The following DAB1 variants were observed in gnomAD, a reference collection of about 807,000 sequenced individuals.
DAB1 encodes the protein DAB adaptor protein 1.
Under a neutral mutation model 64.6 loss-of-function variants are expected in DAB1, and 15 were observed. The observed-to-expected ratio is 0.23, with a 90% CI of 0.16 to 0.36. The LOEUF (loss-of-function observed/expected upper bound fraction) is 0.36, where lower values mean the gene tolerates loss of function less well. Ranked by LOEUF, DAB1 falls within the 10% of genes least tolerant of loss-of-function variation. The pLI is 1.00. For missense variants in DAB1, 596 were observed against 706.7 expected (o/e 0.84, Z 1.78); for synonymous variants, 235 against 251.9 (o/e 0.93, Z 0.64).
At chr1:57,319,193 T>C (rs1488009814) in intron 1 of DAB1, among the ~76,000 whole-genome samples, 1 of 152,174 alleles carries the variant, frequency 6.6e-6, no homozygotes, top group Non-Finnish European at 1.5e-5. Flanking sequence ...GCTACTCCCC[T>C]TCTCTGGAAA....
chr1:57,779,046 G>A (rs1649947276), intron 6 of DAB1, among the ~76,000 whole-genome samples: 1 of 151,978 alleles, frequency 6.6e-6, no homozygotes, highest in South Asian at 2.1e-4. Flanking sequence ...CTACCTTCTA[G>A]TAAGTATAAA....
chr1:58,383,612 C>A (rs972058794), intron 3 of DAB1, among the ~76,000 whole-genome samples: 1 of 66,990 alleles, frequency 1.5e-5, no homozygotes, highest in Admixed American at 1.0e-4. Context: ...GTATCTGACA[C>A]ATGACACTCA....
intron 4 of DAB1, among the ~76,000 whole-genome samples, chr1:58,202,316 A>C (rs539526634): frequency 6.6e-6 from 1 of 152,348 alleles, no homozygotes; most frequent in East Asian, 1.9e-4. Context: ...TTGGTTTAAG[A>C]TAGTAATTGC....
At chr1:57,091,199 T>C (rs1435007157) in intron 4 of DAB1, among the ~76,000 whole-genome samples, 2 of 152,218 alleles carry the variant, frequency 1.3e-5, no homozygotes, top group East Asian at 1.9e-4. Context: ...TCCATGAAAC[T>C]GGTCTCCGGT....
intron 4 of DAB1, among the ~76,000 whole-genome samples, chr1:58,296,455 G>A (rs1280078790): frequency 6.6e-6 from 1 of 152,168 alleles, no homozygotes; most frequent in East Asian, 1.9e-4. Context: ...GGGTGGTTGG[G>A]GCAGGAGAGA....
chr1:58,060,907 G>A lies in DAB1; in HGVS notation n.387+89604C>T, dbSNP rs537381314. Among the ~76,000 whole-genome samples the A allele has an allele frequency of 2.6e-5, 4 of 152,318 alleles. No individual in the cohort carries two copies. The South Asian group carries it at 6.2e-4, about 24-fold the overall frequency. On this transcript the variant is annotated intron_variant and non_coding_transcript_variant, in intron 5 of 20. Coordinates refer to the DAB1 transcript ENST00000485760. ...CAGGGGAATGCCACATCTAACTGTG[G>A]GAGGACACTGTTTGGGGAAGCCAGC...
rs138140204 is a variant in DAB1, at chr1:57,034,062, C to T, written c.724-8019G>A. On this transcript the variant is annotated intron_variant, in intron 9 of 14. Coordinates refer to ENST00000371236, the MANE Select transcript of DAB1 (RefSeq NM_001365792.1). ...TTTGGGAGGCCGAGGAGGCGGATCA[C>T]GAGGTCAGGAGATCGAGACCAGCCT... 6.4e-3 allele frequency among the ~76,000 whole-genome samples: 971 copies of T among 152,106 alleles called. 6 individuals carry two copies. Among genetic ancestry groups the T allele is most frequent in the African/African-American group, 0.022 (922 of 41,490 alleles).
chr1:57,186,428 G>A (rs1230448453), intron 2 of DAB1, among the ~76,000 whole-genome samples: 1 of 152,168 alleles, frequency 6.6e-6, no homozygotes, highest in East Asian at 1.9e-4. Context: ...AAAAAGCAGA[G>A]TGTGCTATAA....
chr1:58,195,966 A>G (rs889663163), intron 4 of DAB1, among the ~76,000 whole-genome samples: 4 of 152,218 alleles, frequency 2.6e-5, no homozygotes, highest in Admixed American at 2.6e-4. Context: ...CTCAGAAACT[A>G]TCTGACTCCT....
At chr1:58,179,151 T>A (rs914749446) in intron 4 of DAB1, among the ~76,000 whole-genome samples, 25 of 151,584 alleles carry the variant, frequency 1.6e-4, no homozygotes, top group African/African-American at 5.8e-4. Context: ...TTTATGGATG[T>A]TAAACCAATC....
At chr1:58,138,079 A>G (rs1654048649) in intron 5 of DAB1, among the ~76,000 whole-genome samples, 1 of 152,146 alleles carries the variant, frequency 6.6e-6, no homozygotes, top group Non-Finnish European at 1.5e-5. Context: ...GTTGGCAAAA[A>G]TTTTACCTGA....
At chr1:58,092,856 C>A (rs1336652487) in intron 5 of DAB1, among the ~76,000 whole-genome samples, 1 of 152,180 alleles carries the variant, frequency 6.6e-6, no homozygotes, top group Non-Finnish European at 1.5e-5. Flanking sequence ...TCAACTGCTA[C>A]CCTCACCTAG....
intron 2 of DAB1, among the ~76,000 whole-genome samples, chr1:57,235,469 A>C (rs1412884523): frequency 6.6e-6 from 1 of 152,206 alleles, no homozygotes; most frequent in Non-Finnish European, 1.5e-5. Flanking sequence ...TGCCTGATAT[A>C]TATTAGCTCC....
At chr1:57,818,553 C>G (rs1651973510) in intron 6 of DAB1, among the ~76,000 whole-genome samples, 1 of 151,986 alleles carries the variant, frequency 6.6e-6, no homozygotes, top group African/African-American at 2.4e-5. Context: ...TTACTGGATT[C>G]TTAGTATGTG....
At chr1:58,457,591 C>T (rs1479800130) in intron 3 of DAB1, among the ~76,000 whole-genome samples, 2 of 152,190 alleles carry the variant, frequency 1.3e-5, no homozygotes, top group Non-Finnish European at 2.9e-5. Context: ...GTTGTGTTGG[C>T]TTGAAAAATA....
chr1:58,038,723 G>C (rs569571343), intron 5 of DAB1, among the ~76,000 whole-genome samples: 63 of 152,174 alleles, frequency 4.1e-4, no homozygotes, highest in African/African-American at 1.5e-3. Context: ...AGATCTTCAG[G>C]GTAGTGCAAG....
intron 7 of DAB1, among the ~76,000 whole-genome samples, chr1:57,494,317 C>T (rs1644203927): frequency 6.6e-6 from 1 of 151,756 alleles, no homozygotes; most frequent in South Asian, 2.1e-4. Flanking sequence ...TCTATTTGGG[C>T]TTGACACAGT....
intron 2 of DAB1, among the ~76,000 whole-genome samples, chr1:57,253,901 T>G (rs1386354110): frequency 6.6e-6 from 1 of 152,196 alleles, no homozygotes; most frequent in Non-Finnish European, 1.5e-5. Flanking sequence ...TCCCAATAGC[T>G]GCCTCAGCAG....
At chr1:58,183,728 G>C (rs1656918848) in intron 4 of DAB1, among the ~76,000 whole-genome samples, 1 of 152,122 alleles carries the variant, frequency 6.6e-6, no homozygotes, top group African/African-American at 2.4e-5. Context: ...CTTCCCAGAA[G>C]TTGTTATTTC....
Sources: gnomAD v4.1 joint callset for allele counts (sites outside exome capture counted in the v4.1 genomes callset) on GRCh38, gnomAD v4.1.1 for gene constraint, MANE v1.5 for transcripts, NCBI Gene and HGNC (gene_info 2026-07-23, HGNC 2026-07-21) for gene names.